The following NPNT variants were observed in gnomAD, a reference collection of about 807,000 sequenced individuals.
NPNT encodes the protein nephronectin, also known as preosteoblast EGF-like repeat protein with MAM domain.
A neutral mutation model predicts 68.6 loss-of-function variants in NPNT; 45 were observed. That is an observed-to-expected ratio of 0.66 (90% CI 0.52 to 0.84). The LOEUF is 0.84. Among genes scored for constraint, NPNT ranks in the 40% least tolerant of loss-of-function variants. The pLI, the probability that NPNT is intolerant of heterozygous loss-of-function variation, is 0.00. For missense variants in NPNT, 672 were observed against 714.8 expected, an observed-to-expected ratio of 0.94 and a Z score of 0.68; for synonymous variants, 233 against 253.3, an observed-to-expected ratio of 0.92 and a Z score of 0.76.
At chr4:105,942,723 C>A in intron 8 of NPNT, 21 bp downstream of exon 8, 1 of 1,571,628 alleles carries the variant, frequency 6.4e-7, no homozygotes, top group Non-Finnish European at 8.6e-7. Context: ...TAAATGTTAG[C>A]ACATTTTCAA....
At chr4:105,964,827 A>G (rs865870635) in intron 10 of NPNT, among the ~76,000 whole-genome samples, 34 of 152,226 alleles carry the variant, frequency 2.2e-4, no homozygotes, top group Admixed American at 6.5e-4. Context: ...GGAAACTTAA[A>G]TGTTCTTCAG....
At chr4:105,955,071 G>T (rs1486392462) in intron 8 of NPNT, among the ~76,000 whole-genome samples, 2 of 152,192 alleles carry the variant, frequency 1.3e-5, no homozygotes, top group African/African-American at 4.8e-5. Flanking sequence ...TGGAGGAATT[G>T]TATTGCTAGC....
intron 8 of NPNT, among the ~76,000 whole-genome samples, chr4:105,949,648 C>T (rs537122917): frequency 6.6e-6 from 1 of 152,104 alleles, no homozygotes; most frequent in East Asian, 1.9e-4. Context: ...TCTGCAGAAC[C>T]CAAAGTAAAG....
intron 6 of NPNT, 96 bp from the exon 7 acceptor site, chr4:105,940,418 T>C: frequency 7.8e-7 from 1 of 1,285,536 alleles, no homozygotes; most frequent in Non-Finnish European, 1.1e-6. Flanking sequence ...GATCATCACA[T>C]TGCCAAAAAA....
chr4:105,902,550 G>GT (rs1420337655), intron 2 of NPNT: 2 of 152,060 alleles, frequency 1.3e-5, no homozygotes, highest in African/African-American at 2.4e-5. Flanking sequence ...TGCAGAATCT[G>GT]TTTTTTGTTT....
chr4:105,970,493 T>G lies in NPNT; in HGVS notation c.*1503T>G, dbSNP rs989435945. ...AGAAGACTGAGGGGCAAACCATTGA[T>G]GGTTTTCAAGTATATGAAGGGTTGG... On this transcript the variant is annotated 3_prime_UTR_variant, in exon 12 of 12. Coordinates refer to ENST00000379987, the MANE Select transcript of NPNT (RefSeq NM_001033047.3). 51 of 693,630 alleles carry G rather than the reference T, an allele frequency of 7.4e-5. No individual in the cohort carries two copies. In the African/African-American group the frequency reaches 8.6e-4, roughly 12 times the overall value. The allele number at this position is 693,630 out of a possible 1,614,324, so 43.0% of individuals were successfully genotyped here. A position where few individuals can be genotyped will look rare whatever the true frequency, so the allele number is the denominator to read the frequency against.
At chr4:105,929,784 C>A (rs913195046) in intron 3 of NPNT, among the ~76,000 whole-genome samples, 3 of 152,186 alleles carry the variant, frequency 2.0e-5, no homozygotes, top group African/African-American at 4.8e-5. Flanking sequence ...AATTTCTTTG[C>A]AGAAGCTGCA....
chr4:105,942,636 C>T lies in NPNT; in HGVS notation c.1093C>T (p.Pro365Ser). 6.2e-7 allele frequency: 1 copy of T among 1,613,950 alleles called. No homozygotes were observed. Among genetic ancestry groups the T allele is most frequent in the Non-Finnish European group, 8.5e-7 (1 of 1,179,940 alleles). The change falls in exon 8 of 12, where the codon CCA (proline) becomes TCA (serine). Residue 365 changes from proline (P) to serine (S), a missense_variant. Pro to Ser is a moderately conservative substitution (Grantham distance 74). Coordinates refer to ENST00000379987, the MANE Select transcript of NPNT (RefSeq NM_001033047.3). The part of the protein sequence containing the change: ...TTIAPAASTP[P>S]GGITVDNRVQ... Reference sequence around the variant, plus strand: ...TATAGCACCAGCTGCCAGTACACCTCCAGGAGGGATTACAGTTGACAACAG... The same window carrying T: ...TATAGCACCAGCTGCCAGTACACCTTCAGGAGGGATTACAGTTGACAACAG...
chr4:105,934,109 G>C (rs976679641), intron 3 of NPNT, among the ~76,000 whole-genome samples: 1 of 152,008 alleles, frequency 6.6e-6, no homozygotes, highest in African/African-American at 2.4e-5. Context: ...CAACTTTTAA[G>C]ATTTATTTGA....
intron 7 of NPNT, among the ~76,000 whole-genome samples, 194 bp from the exon 8 acceptor site, chr4:105,942,105 CTGTGTGTG>C (rs143566124): frequency 6.8e-6 from 1 of 147,160 alleles, no homozygotes; most frequent in Non-Finnish European, 1.5e-5. Context: ...ATGTGTGTGT[CTGTGTGTG>C]TGTATATATA....
intron 7 of NPNT, 99 bp from the exon 8 acceptor site, chr4:105,942,208 A>T: frequency 1.1e-6 from 1 of 878,702 alleles, no homozygotes; most frequent in Admixed American, 2.6e-5. Flanking sequence ...GTGAAAAATG[A>T]TACCAGTTGT....
intron 8 of NPNT, among the ~76,000 whole-genome samples, chr4:105,943,326 A>G (rs1157609182): frequency 6.6e-6 from 1 of 152,230 alleles, no homozygotes; most frequent in Non-Finnish European, 1.5e-5. Flanking sequence ...AAGATATTAT[A>G]GTTAACAGGG....
intron 2 of NPNT, among the ~76,000 whole-genome samples, chr4:105,898,328 G>GTCTCCCTCTCTCTC: frequency 1.9e-5 from 1 of 53,986 alleles, no homozygotes; most frequent in South Asian, 8.3e-4. Flanking sequence ...CTCTCTCTCT[G>GTCTCCCTCTCTCTC]TCTCTCTCTC....
At chr4:105,912,969 G>T (rs1243538859) in intron 2 of NPNT, among the ~76,000 whole-genome samples, 1 of 152,204 alleles carries the variant, frequency 6.6e-6, no homozygotes, top group Non-Finnish European at 1.5e-5. Context: ...TTAGGTTCAA[G>T]TGATTCTCCA....
intron 2 of NPNT, chr4:105,912,061 TCAGA>T: frequency 7.4e-6 from 5 of 676,766 alleles, no homozygotes; most frequent in Admixed American, 2.5e-5. Flanking sequence ...TTTTTTTGTT[TCAGA>T]AAAGCACTGA....
intron 11 of NPNT, among the ~76,000 whole-genome samples, chr4:105,968,153 T>A (rs1375783097): frequency 6.6e-6 from 1 of 152,224 alleles, no homozygotes; most frequent in Non-Finnish European, 1.5e-5. Context: ...CCTATGCCTG[T>A]ATGTAGGTAT....
At position 105,967,337 on chromosome 4, in the gene NPNT, G is replaced by A; in HGVS notation, c.1495G>A (p.Val499Met). Residue 499 changes from valine to methionine, a missense_variant, in exon 11 of 12, where the codon GTG (valine) becomes ATG (methionine). Val to Met is a conservative substitution (Grantham distance 21, BLOSUM62 1). Coordinates refer to ENST00000379987, the MANE Select transcript of NPNT (RefSeq NM_001033047.3). ...VTGLHSGTLQ[V>M]FVRKHGAHGA... The stretch of plus-strand genomic sequence containing the variant: ...GGGGCTGCACTCTGGCACACTCCAG[G>A]TGTTTGTGAGAAAACACGGTGCCCA... 6.2e-7 allele frequency: 1 copy of A among 1,611,434 alleles called. No homozygotes were observed. Among genetic ancestry groups the A allele is most frequent in the Non-Finnish European group, 8.5e-7 (1 of 1,178,726 alleles).
intron 3 of NPNT, among the ~76,000 whole-genome samples, chr4:105,928,791 T>C (rs561770758): frequency 6.6e-6 from 1 of 152,188 alleles, no homozygotes; most frequent in African/African-American, 2.4e-5. Flanking sequence ...TCATATGGTG[T>C]CTAACTATCC....
Position 105,969,289 on chromosome 4 carries a change from A to T in NPNT, c.*299A>T, listed in dbSNP as rs939339395. On this transcript the variant is annotated 3_prime_UTR_variant, in exon 12 of 12. Transcript: ENST00000379987. Reference sequence around the variant, plus strand: ...GCATGCGTGAGCCATACCATCCTCCATCCTGATTACAAGGTGCTCCTTGTA... The same window carrying T: ...GCATGCGTGAGCCATACCATCCTCCTTCCTGATTACAAGGTGCTCCTTGTA... The T allele has an allele frequency of 1.2e-5, 3 of 248,924 alleles. No homozygotes were observed. Among genetic ancestry groups the T allele is most frequent in the African/African-American group, 4.4e-5 (2 of 45,606 alleles). The allele number at this position is 248,924 out of a possible 1,614,324, so 15.4% of individuals were successfully genotyped here.
Sources: allele counts gnomAD v4.1 joint callset (sites outside exome capture counted in the v4.1 genomes callset), GRCh38; gene constraint gnomAD v4.1.1; transcripts MANE v1.5; gene names NCBI Gene and HGNC (gene_info 2026-07-23, HGNC 2026-07-21).